The following RPL5 variants were observed in gnomAD, a reference collection of about 807,000 sequenced individuals.
The protein encoded by RPL5 is large ribosomal subunit protein uL18.
RPL5 carries 1 observed loss-of-function variant against 38.4 expected under a neutral mutation model. The ratio of observed to expected loss-of-function variants is 0.03; its 90% CI spans 0.01 to 0.12. RPL5 has a LOEUF of 0.12. Ranked by LOEUF, RPL5 falls within the 10% of genes least tolerant of loss-of-function variation. The pLI is 1.00. For missense variants in RPL5, 243 were observed against 374.1 expected, an observed-to-expected ratio of 0.65 and a Z score of 2.89; for synonymous variants, 109 against 121.2, an observed-to-expected ratio of 0.90 and a Z score of 0.66.
In RPL5 at chr1:92,837,436, T is replaced by C; in HGVS notation, c.528-20T>C. 1 of 1,606,490 alleles carries C rather than the reference T, an allele frequency of 6.2e-7. No homozygotes were observed. Among genetic ancestry groups the C allele is most frequent in the Non-Finnish European group, 8.5e-7 (1 of 1,173,130 alleles). ...TAAGTTAAGTGAGTCTATACTAAAA[T>C]ATGAATAACTTTATTTTAGTACCAA... On this transcript the variant is annotated intron_variant, in intron 5 of 7. Transcript: ENST00000370321.
At chr1:92,832,247 T>G (rs1686936493) in intron 1 of RPL5, 130 bp downstream of exon 1, 3 of 1,439,822 alleles carry the variant, frequency 2.1e-6, no homozygotes, top group Admixed American at 3.9e-5. Context: ...TCTGACTTGG[T>G]CGAGGTGCAG....
chr1:92,841,609 A>T (rs1443527298), intron 7 of RPL5, among the ~76,000 whole-genome samples, 157 bp from the exon 8 acceptor site: 1 of 152,236 alleles, frequency 6.6e-6, no homozygotes, highest in Non-Finnish European at 1.5e-5. Context: ...GCTTAAGATC[A>T]TACATAAGTA....
intron 5 of RPL5, chr1:92,836,656 A>G: frequency 2.2e-6 from 1 of 462,112 alleles, no homozygotes; most frequent in South Asian, 2.1e-5. Context: ...TACCTTTTGC[A>G]TATGACTTAA....
Position 92,841,792 on chromosome 1 carries a change from C to T in RPL5, c.821C>T (p.Ala274Val), listed in dbSNP as rs1177452983. The stretch of plus-strand genomic sequence containing the variant: ...TGGAACCGTCCCAAAATGTCCCTTG[C>T]TCAGAAGAAGGATCGGGTAGCTCAA... The part of the protein sequence containing the change: ...KRWNRPKMSL[A>V]QKKDRVAQKK... Residue 274 changes from alanine to valine, a missense_variant, in exon 8 of 8, where the codon GCT becomes GTT. Transcript: ENST00000370321. The T allele has an allele frequency of 3.1e-6, 5 of 1,611,576 alleles. No homozygotes were observed. The highest frequency in any genetic ancestry group is 4.2e-6 in the Non-Finnish European group (5 of 1,179,644).
At chr1:92,839,887 C>G (rs974312217) in intron 6 of RPL5, among the ~76,000 whole-genome samples, 2 of 151,442 alleles carry the variant, frequency 1.3e-5, no homozygotes, top group African/African-American at 2.4e-5. Flanking sequence ...GTTTCCTGGG[C>G]TGGGGTGCAA....
intron 6 of RPL5, among the ~76,000 whole-genome samples, chr1:92,839,961 C>T (rs1452980318): frequency 6.6e-6 from 1 of 151,770 alleles, no homozygotes; most frequent in Non-Finnish European, 1.5e-5. Flanking sequence ...CCACCTCAGC[C>T]TCTCGAGGTA....
chr1:92,832,925 G>A (rs1038820871), intron 1 of RPL5: 8 of 681,500 alleles, frequency 1.2e-5, no homozygotes, highest in Non-Finnish European at 2.1e-5. Flanking sequence ...TTTGAGGCTA[G>A]GTTTTCGAAG....
chr1:92,836,450 T>C lies in RPL5; in HGVS notation c.527+58T>C, dbSNP rs1687131500. On this transcript the variant is annotated intron_variant, in intron 5 of 7. Transcript: ENST00000370321. ...ACCGTGGTACTTCCCTGTTTTTAAC[T>C]AGTTGGACTGTGGAGATAACCGAAT... The C allele has an allele frequency of 4.1e-6, 6 of 1,476,556 alleles. No individual in the cohort carries two copies. The South Asian group carries it at 6.8e-5, about 17-fold the overall frequency. 91.5% of individuals were successfully genotyped at this position (1,476,556 alleles called of 1,614,324 possible). A position where few individuals can be genotyped will look rare whatever the true frequency, so the allele number is the denominator to read the frequency against.
intron 5 of RPL5, chr1:92,837,240 G>T: frequency 1.4e-6 from 1 of 738,888 alleles, no homozygotes; most frequent in African/African-American, 1.7e-5. Flanking sequence ...GCTTTTAAAG[G>T]TTTTTGTAGC....
At chr1:92,841,379 C>T (rs1311572457) in intron 7 of RPL5, among the ~76,000 whole-genome samples, 1 of 152,096 alleles carries the variant, frequency 6.6e-6, no homozygotes, top group African/African-American at 2.4e-5. Context: ...GGTAATAATC[C>T]ATTATGTATA....
At chr1:92,841,150 T>A (rs550232025) in intron 7 of RPL5, among the ~76,000 whole-genome samples, 1 of 152,326 alleles carries the variant, frequency 6.6e-6, no homozygotes, top group African/African-American at 2.4e-5. Context: ...ATACTCCTCC[T>A]GTTGGAGATT....
chr1:92,837,148 T>C (rs1371837430), intron 5 of RPL5: 1 of 473,056 alleles, frequency 2.1e-6, no homozygotes, highest in Non-Finnish European at 4.0e-6. Flanking sequence ...AATTAAAGGA[T>C]TTAGAGTATA....
intron 3 of RPL5, chr1:92,833,951 TA>T: frequency 2.6e-6 from 1 of 387,728 alleles, no homozygotes; most frequent in Non-Finnish European, 4.8e-6. Flanking sequence ...ACAAAAAATG[TA>T]AGAAAATTAG....
rs568863745 is a variant in RPL5 at position 92,837,619 on chromosome 1, G to A, written c.691G>A (p.Val231Ile). The change falls in exon 6 of 8, where the codon GTA becomes ATA. Residue 231 changes from valine to isoleucine, a missense_variant. Val to Ile is a conservative substitution (Grantham distance 29). Transcript: ENST00000370321. ...GTTCTCTCAATACATAAAGAACAGC[G>A]TAACTCCAGACATGGTAAAACATTT... ...KQFSQYIKNS[V>I]TPDMMEEMYK... 1.6e-5 allele frequency: 25 copies of A among 1,611,830 alleles called. No homozygotes were observed. In the East Asian group the frequency reaches 2.5e-4, roughly 16 times the overall value.
chr1:92,837,065 A>G, intron 5 of RPL5: 1 of 326,936 alleles, frequency 3.1e-6, no homozygotes, highest in East Asian at 8.1e-5. Context: ...CAAGTACACC[A>G]AGAGCATTCT....
chr1:92,836,541 C>T, intron 5 of RPL5, 149 bp downstream of exon 5: 2 of 727,824 alleles, frequency 2.7e-6, no homozygotes, highest in South Asian at 1.5e-5. Flanking sequence ...CCTAGTAGGG[C>T]AGGAAGGAAT....
At chr1:92,840,401 T>C (rs1350294492) in intron 6 of RPL5, 150 bp from the exon 7 acceptor site, 4 of 666,452 alleles carry the variant, frequency 6.0e-6, no homozygotes, top group African/African-American at 1.8e-5. Flanking sequence ...AAAGGTGAGT[T>C]ACATTTAGAA....
At chr1:92,841,508 G>A (rs1381470578) in intron 7 of RPL5, among the ~76,000 whole-genome samples, 1 of 152,140 alleles carries the variant, frequency 6.6e-6, no homozygotes, top group Non-Finnish European at 1.5e-5. Context: ...CAAATACCTA[G>A]AAGTGGTATT....
intron 2 of RPL5, 39 bp from the exon 3 acceptor site, chr1:92,833,505 GC>G: frequency 6.2e-7 from 1 of 1,605,798 alleles, no homozygotes. Flanking sequence ...CTTTGCAGAT[GC>G]AGTGGAGTAT....
Sources: allele counts gnomAD v4.1 joint callset (sites outside exome capture counted in the v4.1 genomes callset), GRCh38; gene constraint gnomAD v4.1.1; transcripts MANE v1.5; gene names NCBI Gene and HGNC (gene_info 2026-07-23, HGNC 2026-07-21).